The following CSRNP3 variants were observed in gnomAD, a reference collection of about 807,000 sequenced individuals.
CSRNP3 encodes the protein cysteine/serine-rich nuclear protein 3.
A neutral mutation model predicts 48.0 loss-of-function variants in CSRNP3; 12 were observed. The ratio of observed to expected loss-of-function variants is 0.25; its 90% CI spans 0.16 to 0.41. CSRNP3 has a LOEUF of 0.41. Ranked by LOEUF, CSRNP3 falls within the 10% of genes least tolerant of loss-of-function variation. CSRNP3 has a pLI of 1.00. For synonymous variants in CSRNP3, 263 were observed against 269.7 expected (o/e 0.98, Z 0.24); for missense variants, 580 against 724.4 (o/e 0.80, Z 2.29).
At position 165,685,396 on chromosome 2, in the gene CSRNP3, A is replaced by C. The variant is rs763529290; in HGVS notation, c.*5643A>C. On this transcript the variant is annotated 3_prime_UTR_variant, in exon 7 of 7. Coordinates refer to ENST00000651982, the MANE Select transcript of CSRNP3 (RefSeq NM_001172173.2). ...GGTGATCAGTTCTCAGGCTAGTCTA[A>C]GTCTGTGCTGTCTTGGCATGCCTTG... 6.6e-6 allele frequency: 1 copy of C among 152,030 alleles called. No individual in the cohort carries two copies. The highest frequency in any genetic ancestry group is 1.5e-5 in the Non-Finnish European group (1 of 67,962). The allele number at this position is 152,030 out of a possible 1,614,324, so 9.4% of individuals were successfully genotyped here.
chr2:165,524,810 G>C (rs6705153), intron 3 of CSRNP3, among the ~76,000 whole-genome samples: 2 of 152,236 alleles, frequency 1.3e-5, no homozygotes, highest in Non-Finnish European at 2.9e-5. Context: ...TTGTATGACT[G>C]TACCATGGCT....
At chr2:165,524,878 A>G (rs1042727335) in intron 3 of CSRNP3, among the ~76,000 whole-genome samples, 2 of 152,226 alleles carry the variant, frequency 1.3e-5, no homozygotes, top group African/African-American at 4.8e-5. Context: ...GGTGGTTTGA[A>G]TATGCTATAA....
At chr2:165,533,326 C>G (rs1437632724) in intron 3 of CSRNP3, among the ~76,000 whole-genome samples, 4 of 152,072 alleles carry the variant, frequency 2.6e-5, no homozygotes, top group African/African-American at 7.2e-5. Flanking sequence ...CTACTCATTT[C>G]CAAACTCACT....
At chr2:165,586,351 A>G (rs1056473992) in intron 3 of CSRNP3, among the ~76,000 whole-genome samples, 1 of 152,182 alleles carries the variant, frequency 6.6e-6, no homozygotes, top group African/African-American at 2.4e-5. Flanking sequence ...TTTCCTATTT[A>G]GATGTTTTGG....
chr2:165,566,090 T>A lies in CSRNP3; in HGVS notation c.-23-28953T>A, dbSNP rs938658453. 1.1e-4 allele frequency among the ~76,000 whole-genome samples: 17 copies of A among 151,984 alleles called. 1 individual carries two copies. Among genetic ancestry groups the A allele is most frequent in the African/African-American group, 4.1e-4 (17 of 41,424 alleles). On this transcript the variant is annotated intron_variant, in intron 3 of 6. Coordinates refer to ENST00000651982, the MANE Select transcript of CSRNP3 (RefSeq NM_001172173.2). The stretch of plus-strand genomic sequence containing the variant: ...CAAATTCATTCTTTTAAGAGTCTCC[T>A]GAGTTATTTAATAAAACTCAGTCGT...
intron 4 of CSRNP3, among the ~76,000 whole-genome samples, chr2:165,630,148 A>T (rs1255493719): frequency 6.6e-6 from 1 of 152,160 alleles, no homozygotes; most frequent in Admixed American, 6.5e-5. Flanking sequence ...CTATTCTTTG[A>T]TTTTTGAAGA....
At chr2:165,606,622 A>G (rs983726404) in intron 4 of CSRNP3, among the ~76,000 whole-genome samples, 2 of 152,146 alleles carry the variant, frequency 1.3e-5, no homozygotes, top group Admixed American at 1.3e-4. Flanking sequence ...TTGAATTACT[A>G]AGGAAACCCA....
chr2:165,558,989 C>T (rs1685196346), intron 3 of CSRNP3, among the ~76,000 whole-genome samples: 1 of 151,992 alleles, frequency 6.6e-6, no homozygotes, highest in African/African-American at 2.4e-5. Context: ...CTAACCAAAT[C>T]TACAAACTCA....
chr2:165,489,091 A>G (rs1478218655), intron 1 of CSRNP3, among the ~76,000 whole-genome samples: 6 of 148,060 alleles, frequency 4.1e-5, no homozygotes, highest in Non-Finnish European at 7.5e-5. Flanking sequence ...TCAAATAGAC[A>G]CAATAAAAAA....
At chr2:165,527,979 A>C (rs904512394) in intron 3 of CSRNP3, among the ~76,000 whole-genome samples, 11 of 152,036 alleles carry the variant, frequency 7.2e-5, no homozygotes, top group Non-Finnish European at 1.2e-4. Context: ...AGAGAGAGAG[A>C]GAAAGGAGAG....
chr2:165,480,203 A>G (rs1684021654), intron 1 of CSRNP3, among the ~76,000 whole-genome samples: 1 of 152,088 alleles, frequency 6.6e-6, no homozygotes, highest in Admixed American at 6.6e-5. Context: ...TCTCATCCTT[A>G]GTATCTGACT....
At chr2:165,553,324 A>G (rs1364907065) in intron 3 of CSRNP3, among the ~76,000 whole-genome samples, 1 of 152,090 alleles carries the variant, frequency 6.6e-6, no homozygotes, top group Non-Finnish European at 1.5e-5. Context: ...ATGCTCTATC[A>G]TTGTAATCAC....
At chr2:165,620,454 G>A (rs540690654) in intron 4 of CSRNP3, among the ~76,000 whole-genome samples, 1 of 152,066 alleles carries the variant, frequency 6.6e-6, no homozygotes, top group South Asian at 2.1e-4. Flanking sequence ...TATTAAAAAG[G>A]AACCTCAGTC....
At position 165,668,397 on chromosome 2, in the gene CSRNP3, C is replaced by CTT. The variant is rs1465526682; in HGVS notation, c.409-7913_409-7912dup. Among the ~76,000 whole-genome samples, 125 of 114,416 alleles carry CTT rather than the reference C, an allele frequency of 1.1e-3. 1 individual carries two copies. Among genetic ancestry groups the CTT allele is most frequent in the African/African-American group, 4.1e-3 (113 of 27,774 alleles). 75.1% of individuals were successfully genotyped at this position (114,416 alleles called of 152,430 possible). On this transcript the variant is annotated intron_variant, in intron 5 of 6. Coordinates refer to ENST00000651982, the MANE Select transcript of CSRNP3 (RefSeq NM_001172173.2). ...TCTGAATCATATCCTTTCTTTCTTT[C>CTT]TTTCTTTTTTTTTTTTTTTTTTTTG...
intron 3 of CSRNP3, among the ~76,000 whole-genome samples, chr2:165,568,122 C>CT (rs1355053291): frequency 9.9e-5 from 15 of 151,974 alleles, no homozygotes; most frequent in African/African-American, 3.6e-4. Flanking sequence ...TCTCCTTCCT[C>CT]TCTCACCGCC....
chr2:165,610,594 T>C (rs1296854170), intron 4 of CSRNP3, among the ~76,000 whole-genome samples: 3 of 152,206 alleles, frequency 2.0e-5, no homozygotes, highest in African/African-American at 4.8e-5. Flanking sequence ...ATTTGAGTGG[T>C]ATTTTCATTT....
At chr2:165,560,559 G>C (rs979165804) in intron 3 of CSRNP3, among the ~76,000 whole-genome samples, 3 of 152,124 alleles carry the variant, frequency 2.0e-5, no homozygotes, top group Non-Finnish European at 4.4e-5. Context: ...TTCCCACTGA[G>C]TGAGTCTCTC....
At chr2:165,598,750 G>A (rs1685851613) in intron 4 of CSRNP3, among the ~76,000 whole-genome samples, 1 of 152,072 alleles carries the variant, frequency 6.6e-6, no homozygotes, top group South Asian at 2.1e-4. Context: ...TGCTGTTTTA[G>A]CTTTGTATTA....
rs373197806 is a variant in CSRNP3 at position 165,664,831 on chromosome 2, G to T, written c.408+6811G>T. Reference sequence around the variant, plus strand: ...ATTTTTTTTTGTTCTTAGTAAGCTGGTGGTAAGCAAAAAACAAACAAACAA... The same window carrying T: ...ATTTTTTTTTGTTCTTAGTAAGCTGTTGGTAAGCAAAAAACAAACAAACAA... On this transcript the variant is annotated intron_variant, in intron 5 of 6. Transcript: ENST00000651982. 2.5e-4 allele frequency among the ~76,000 whole-genome samples: 38 copies of T among 151,994 alleles called. No homozygotes were observed. The South Asian group carries it at 7.7e-3, about 31-fold the overall frequency.
Sources: gnomAD v4.1 joint callset for allele counts (sites outside exome capture counted in the v4.1 genomes callset) on GRCh38, gnomAD v4.1.1 for gene constraint, MANE v1.5 for transcripts, NCBI Gene and HGNC (gene_info 2026-07-23, HGNC 2026-07-21) for gene names.